Variants in ABCB1 observed in about 807,000 individuals in gnomAD.
ABCB1 encodes the protein ATP binding cassette subfamily B member 1, also known as ATP-dependent translocase ABCB1.
In ABCB1, 69 loss-of-function variants were observed where a neutral mutation model predicts 142.0. The observed-to-expected ratio is 0.49, with a 90% CI of 0.40 to 0.59. The LOEUF is 0.59. ABCB1 is among the 20% of genes least tolerant of loss of function. ABCB1 has a pLI of 0.00. For missense variants in ABCB1, 1,326 were observed against 1,554.7 expected (o/e 0.85, Z 2.47); for synonymous variants, 532 against 539.2 (o/e 0.99, Z 0.18).
chr7:87,593,682 G>A (rs190041736), intron 3 of ABCB1, among the ~76,000 whole-genome samples: 3 of 152,280 alleles, frequency 2.0e-5, no homozygotes, highest in Admixed American at 2.0e-4. Context: ...TGCTGGGTAG[G>A]TGCCTACATG....
chr7:87,600,323 C>G (rs768478847), intron 1 of ABCB1, 133 bp from the exon 2 acceptor site: 6 of 754,990 alleles, frequency 7.9e-6, no homozygotes, highest in South Asian at 2.9e-5. Flanking sequence ...CCCAGCTGCT[C>G]TGGCCGCGAT....
chr7:87,550,657 G>A, intron 10 of ABCB1, 68 bp downstream of exon 10: 1 of 1,564,184 alleles, frequency 6.4e-7, no homozygotes, highest in Non-Finnish European at 8.8e-7. Context: ...GCTGGATAAA[G>A]TGACAAAGAA....
intron 26 of ABCB1, among the ~76,000 whole-genome samples, chr7:87,508,104 T>C (rs934820705): frequency 2.0e-5 from 3 of 152,180 alleles, no homozygotes; most frequent in Non-Finnish European, 4.4e-5. Context: ...CCAGGTATAA[T>C]AAACCTGTAC....
At chr7:87,562,570 TA>T (rs28381856) in intron 7 of ABCB1, among the ~76,000 whole-genome samples, 3,360 of 152,282 alleles carry the variant, frequency 0.022, 57 homozygotes, top group African/African-American at 0.041. Context: ...AGTGATACTT[TA>T]AAGAAATACT....
chr7:87,609,592 A>C (rs1383342384), intron 1 of ABCB1, among the ~76,000 whole-genome samples: 1 of 152,158 alleles, frequency 6.6e-6, no homozygotes, highest in African/African-American at 2.4e-5. Context: ...CTAGCATGGG[A>C]ATCCATGCTA....
At chr7:87,630,807 G>A (rs1340405999) in intron 1 of ABCB1, among the ~76,000 whole-genome samples, 1 of 151,306 alleles carries the variant, frequency 6.6e-6, no homozygotes, top group African/African-American at 2.4e-5. Context: ...TGTCTTGGCT[G>A]GCTTTAGGTC....
intron 20 of ABCB1, 172 bp from the exon 21 acceptor site, chr7:87,531,669 T>A: frequency 3.2e-6 from 2 of 626,720 alleles, no homozygotes; most frequent in East Asian, 2.8e-5. Context: ...AGAATTTCCA[T>A]GACTTCAGAA....
Position 87,528,544 on chromosome 7 carries a change from G to A in ABCB1, c.2685+2750C>T, listed in dbSNP as rs532561768. On this transcript the variant is annotated intron_variant, in intron 21 of 27. Transcript: ENST00000622132. ...AAGTGGACCCACTCAGTTCAAACCC[G>A]TGCTGTTCAAGGGTCACCTGTATTT... 3.3e-5 allele frequency among the ~76,000 whole-genome samples: 5 copies of A among 152,048 alleles called. No individual in the cohort carries two copies. The South Asian group carries it at 6.2e-4, about 19-fold the overall frequency.
chr7:87,541,532 TC>T, intron 17 of ABCB1, 68 bp from the exon 18 acceptor site: 1 of 1,098,652 alleles, frequency 9.1e-7, no homozygotes. Context: ...CTGACCCATT[TC>T]CCATCTGGCC....
Position 87,515,360 on chromosome 7 carries a change from T to C in ABCB1, c.3153A>G (p.Pro1051=), listed in dbSNP as rs767384895. 3.1e-6 allele frequency: 5 copies of C among 1,614,156 alleles called. No individual in the cohort carries two copies. The highest frequency in any genetic ancestry group is 2.5e-6 in the Non-Finnish European group (3 of 1,180,014). ...VFNYPTRPDI[P]VLQGLSLEVK... is the part of the protein sequence containing the mutation. ...CCTCCAGGCTCAGTCCCTGAAGCAC[T>C]GGGATGTCCGGTCGGGTGGGATAGT... is the stretch of plus-strand genomic sequence containing the variant. The change falls in exon 25 of 28, where the codon CCA becomes CCG. Residue 1051 remains proline, a synonymous_variant. Coordinates refer to ENST00000622132, the MANE Select transcript of ABCB1 (RefSeq NM_001348946.2).
intron 23 of ABCB1, 94 bp from the exon 24 acceptor site, chr7:87,516,759 TG>T (rs1815272564): frequency 8.4e-7 from 1 of 1,196,566 alleles, no homozygotes; most frequent in Non-Finnish European, 1.2e-6. Flanking sequence ...TTTTTTGAGG[TG>T]GGGTCTTCCT....
chr7:87,572,977 C>T (rs1012289987), intron 4 of ABCB1, among the ~76,000 whole-genome samples: 1 of 152,074 alleles, frequency 6.6e-6, no homozygotes, highest in African/African-American at 2.4e-5. Flanking sequence ...ATGAAATAAT[C>T]TCTACACAAA....
At chr7:87,568,266 T>TAATAATAA (rs377151956) in intron 5 of ABCB1, among the ~76,000 whole-genome samples, 97 of 145,676 alleles carry the variant, frequency 6.7e-4, no homozygotes, top group African/African-American at 2.1e-3. Flanking sequence ...ATAATAATAA[T>TAATAATAA]AAAAATTAGC....
chr7:87,521,945 C>T (rs1815528426), intron 21 of ABCB1: 4 of 789,468 alleles, frequency 5.1e-6, no homozygotes, highest in South Asian at 4.0e-5. Flanking sequence ...ATGGGTAAGA[C>T]TGTCACTGAG....
At chr7:87,541,059 G>A (rs1444210872) in intron 18 of ABCB1, among the ~76,000 whole-genome samples, 1 of 152,056 alleles carries the variant, frequency 6.6e-6, no homozygotes, top group Non-Finnish European at 1.5e-5. Flanking sequence ...CTTACATCCA[G>A]GGCTCCCCCA....
intron 6 of ABCB1, 39 bp from the exon 7 acceptor site, chr7:87,566,280 T>C (rs1183627085): frequency 6.2e-7 from 1 of 1,600,320 alleles, no homozygotes; most frequent in South Asian, 1.1e-5. Flanking sequence ...TTGTCAGAAT[T>C]GTAAACATCA....
At position 87,546,225 on chromosome 7, in the gene ABCB1, A is replaced by G. The variant is rs530752568; in HGVS notation, c.1726-201T>C. On this transcript the variant is annotated intron_variant, in intron 14 of 27. Transcript: ENST00000622132. ...TTTCCTTGTAATAAATACAAACACA[A>G]ATATAACAGTCACATATTAATATTA... 5.3e-5 allele frequency among the ~76,000 whole-genome samples: 8 copies of G among 152,366 alleles called. No homozygotes were observed. The South Asian group carries it at 1.7e-3, about 32-fold the overall frequency.
In ABCB1 at chr7:87,681,634, G is replaced by A. The variant is rs368374661; in HGVS notation, c.-331+31527C>T. Among the ~76,000 whole-genome samples the A allele has an allele frequency of 2.2e-4, 33 of 150,656 alleles. 2 individuals carry two copies. The East Asian group carries it at 3.8e-3, about 17-fold the overall frequency. On this transcript the variant is annotated intron_variant, in intron 1 of 28. Transcript: ENST00000265724. ...TCAGCAAGTCATTACCTTTTTGCTG[G>A]TGGAGGGTCTTGCCTCAATATTGAT... is the stretch of plus-strand genomic sequence containing the variant.
chr7:87,665,808 C>T (rs769793154), intron 1 of ABCB1, among the ~76,000 whole-genome samples: 21 of 151,900 alleles, frequency 1.4e-4, no homozygotes, highest in Non-Finnish European at 1.6e-4. Context: ...TTTCTGTTCC[C>T]GCATTATTTC....
Sources: allele counts gnomAD v4.1 joint callset (sites outside exome capture counted in the v4.1 genomes callset), GRCh38; gene constraint gnomAD v4.1.1; transcripts MANE v1.5; gene names NCBI Gene and HGNC (gene_info 2026-07-23, HGNC 2026-07-21).